The following PADI2 variants were observed in gnomAD, a reference collection of about 807,000 sequenced individuals.
PADI2 encodes the protein protein-arginine deiminase type-2.
Under a neutral mutation model 81.1 loss-of-function variants are expected in PADI2, and 70 were observed. The observed-to-expected ratio is 0.86, with a 90% CI of 0.71 to 1.05. The LOEUF is 1.05. Among genes scored for constraint, PADI2 ranks in the 50% least tolerant of loss-of-function variants. The probability of loss-of-function intolerance (pLI) is 0.00; values close to 1 mark genes in which losing one functional copy is unlikely to be tolerated. For synonymous variants in PADI2, 338 were observed against 358.0 expected, an observed-to-expected ratio of 0.94 and a Z score of 0.63; for missense variants, 853 against 889.9, an observed-to-expected ratio of 0.96 and a Z score of 0.53.
intron 15 of PADI2, 62 bp downstream of exon 15, chr1:17,070,026 C>G: frequency 6.4e-7 from 1 of 1,556,276 alleles, no homozygotes; most frequent in Non-Finnish European, 8.7e-7. Flanking sequence ...GCTGAGGGGT[C>G]CTTCTGGATC....
chr1:17,070,116 T>C lies in PADI2; in HGVS notation c.1736A>G (p.His579Arg), dbSNP rs760404733. 8 of 1,613,938 alleles carry C rather than the reference T, an allele frequency of 5.0e-6. No individual in the cohort carries two copies. Among genetic ancestry groups the C allele is most frequent in the African/African-American group, 1.3e-5 (1 of 74,914 alleles). Residue 579 changes from histidine (H) to arginine (R), a missense_variant, in exon 15 of 16, where the codon CAC becomes CGC. His to Arg is a conservative substitution (Grantham distance 29). Coordinates refer to ENST00000375486, the MANE Select transcript of PADI2 (RefSeq NM_007365.3). Reference sequence around the variant, plus strand: ...GTTTGGGAAGAAGGCTCTGGCACGGTGGTCCTCGTCCATCTTGAACAGAGC... The same window carrying C: ...GTTTGGGAAGAAGGCTCTGGCACGGCGGTCCTCGTCCATCTTGAACAGAGC... ...LPALFKMDED[H>R]RARAFFPNMV...
At chr1:17,084,183 G>A (rs912117471) in intron 8 of PADI2, among the ~76,000 whole-genome samples, 3 of 152,202 alleles carry the variant, frequency 2.0e-5, no homozygotes, top group Admixed American at 6.5e-5. Flanking sequence ...TCCCTTTTGG[G>A]TTGCTAGCCA....
chr1:17,109,071 G>T (rs1475102460), intron 1 of PADI2, among the ~76,000 whole-genome samples: 1 of 152,088 alleles, frequency 6.6e-6, no homozygotes, highest in Non-Finnish European at 1.5e-5. Context: ...TGGGCAAAGG[G>T]GTGAGGAGGA....
chr1:17,095,905 G>T lies in PADI2; in HGVS notation c.411+4C>A, dbSNP rs749794549. 1 of 1,606,746 alleles carries T rather than the reference G, an allele frequency of 6.2e-7. No individual in the cohort carries two copies. The highest frequency in any genetic ancestry group is 1.1e-5 in the South Asian group (1 of 88,904). On this transcript the variant is annotated splice_donor_region_variant and intron_variant, in intron 4 of 15. Transcript: ENST00000375486. ...GGGTGGTGCCTGCCCTGAAAGCTAG[G>T]TACCTTCTTTGGGTTGTTCTTCTCC...
chr1:17,098,047 C>G (rs1045504627), intron 3 of PADI2, among the ~76,000 whole-genome samples: 1 of 152,156 alleles, frequency 6.6e-6, no homozygotes, highest in Non-Finnish European at 1.5e-5. Flanking sequence ...CCCCCACCCC[C>G]TAACGATACA....
At chr1:17,117,704 C>A (rs1468428882) in intron 1 of PADI2, among the ~76,000 whole-genome samples, 1 of 152,230 alleles carries the variant, frequency 6.6e-6, no homozygotes, top group Non-Finnish European at 1.5e-5. Context: ...CTCCCCACCC[C>A]CGACTGGGAG....
intron 13 of PADI2, among the ~76,000 whole-genome samples, chr1:17,074,162 C>A (rs564739068): frequency 6.6e-6 from 1 of 151,964 alleles, no homozygotes. Flanking sequence ...GAGGCTGAGG[C>A]GGGTGGATCA....
chr1:17,075,738 A>G lies in PADI2; in HGVS notation c.1396T>C (p.Trp466Arg). The G allele has an allele frequency of 6.2e-7, 1 of 1,614,154 alleles. No individual in the cohort carries two copies. The highest frequency in any genetic ancestry group is 1.1e-5 in the South Asian group (1 of 91,082). ...VQAPVELYSD[W>R]LTVGHVDEFM... is the part of the protein sequence containing the mutation. Reference sequence around the variant, plus strand: ...TCATCCACGTGGCCCACAGTCAGCCAGTCTGAGTAGAGCTCCACGGGCGCC... The same window carrying G: ...TCATCCACGTGGCCCACAGTCAGCCGGTCTGAGTAGAGCTCCACGGGCGCC... Residue 466 changes from tryptophan to arginine, a missense_variant, in exon 12 of 16, where the codon TGG becomes CGG. Physicochemically the swap from Trp to Arg is moderately radical, Grantham distance 101. Coordinates refer to ENST00000375486, the MANE Select transcript of PADI2 (RefSeq NM_007365.3).
In PADI2 at chr1:17,071,449, A is replaced by G; in HGVS notation, c.1592T>C (p.Ile531Thr). Residue 531 changes from isoleucine (I) to threonine (T), a missense_variant, in exon 14 of 16, where the codon ATT becomes ACT. By Grantham distance (89) the Ile-to-Thr change is moderately conservative. Transcript: ENST00000375486. The stretch of plus-strand genomic sequence containing the variant: ...CTGCACAAGGCTCTCGTTGGACAGA[A>G]TCTTGTTGATGGTGATTCGCTTGCT... ...MSSKRITINK[I>T]LSNESLVQEN... 2 of 1,614,110 alleles carry G rather than the reference A, an allele frequency of 1.2e-6. No homozygotes were observed. Among genetic ancestry groups the G allele is most frequent in the Non-Finnish European group, 1.7e-6 (2 of 1,179,966 alleles).
At chr1:17,100,276 T>C (rs1322155153) in intron 3 of PADI2, among the ~76,000 whole-genome samples, 1 of 151,906 alleles carries the variant, frequency 6.6e-6, no homozygotes, top group African/African-American at 2.4e-5. Context: ...TCTTATTCTG[T>C]TTTTTGTTTT....
At chr1:17,072,924 C>G (rs1055682671) in intron 13 of PADI2, among the ~76,000 whole-genome samples, 1 of 152,122 alleles carries the variant, frequency 6.6e-6, no homozygotes, top group African/African-American at 2.4e-5. Flanking sequence ...AATCCAAGAA[C>G]AAACTTCCCA....
rs565823026 is a variant in PADI2, at chr1:17,104,095, A to G, written c.276+783T>C. Among the ~76,000 whole-genome samples, 372 of 151,278 alleles carry G rather than the reference A, an allele frequency of 2.5e-3. 4 individuals carry two copies. The highest frequency in any genetic ancestry group is 4.8e-3 in the Non-Finnish European group (326 of 67,922). On this transcript the variant is annotated intron_variant, in intron 2 of 15. Coordinates refer to ENST00000375486, the MANE Select transcript of PADI2 (RefSeq NM_007365.3). Reference sequence around the variant, plus strand: ...CAGGAGATCGACAGCATCCTGGCTAACACGGTGAAACCCCATCTCTACTAA... The same window carrying G: ...CAGGAGATCGACAGCATCCTGGCTAGCACGGTGAAACCCCATCTCTACTAA...
intron 1 of PADI2, among the ~76,000 whole-genome samples, chr1:17,105,378 A>AGAC (rs1319896400): frequency 1.3e-5 from 2 of 151,886 alleles, no homozygotes; most frequent in Non-Finnish European, 2.9e-5. Context: ...CAACAGAGCA[A>AGAC]GACCCTGTCT....
chr1:17,079,272 G>A lies in PADI2; in HGVS notation c.1302C>T (p.Ser434=). Residue 434 remains serine, a synonymous_variant, in exon 11 of 16, where the codon AGC becomes AGT. Coordinates refer to ENST00000375486, the MANE Select transcript of PADI2 (RefSeq NM_007365.3). ...AGCCTGGCTTCTCTTACAGAGGAAA[G>A]CTGCTCCCGATGAGGATGCGGCCAA... ...YPLGRILIGS[S]FPLSGGRRMT... The A allele has an allele frequency of 6.2e-7, 1 of 1,613,590 alleles. No individual in the cohort carries two copies. The highest frequency in any genetic ancestry group is 8.5e-7 in the Non-Finnish European group (1 of 1,179,702).
In PADI2 at chr1:17,074,160, G is replaced by T. The variant is rs544832859; in HGVS notation, c.1549+696C>A. 3.9e-5 allele frequency among the ~76,000 whole-genome samples: 6 copies of T among 152,252 alleles called. No homozygotes were observed. The East Asian group carries it at 7.7e-4, about 20-fold the overall frequency. ...TAATCCCAGCACTTTGGGAGGCTGA[G>T]GCGGGTGGATCACCTGAGGACAGGA... On this transcript the variant is annotated intron_variant, in intron 13 of 15. Coordinates refer to ENST00000375486, the MANE Select transcript of PADI2 (RefSeq NM_007365.3).
intron 3 of PADI2, among the ~76,000 whole-genome samples, chr1:17,096,226 C>T (rs186139045): frequency 1.5e-4 from 23 of 152,314 alleles, no homozygotes; most frequent in Middle Eastern, 3.4e-3. Context: ...GGACCTCCTA[C>T]CACTTCATTG....
intron 6 of PADI2, among the ~76,000 whole-genome samples, chr1:17,091,496 G>C (rs116679151): frequency 2.0e-5 from 3 of 152,142 alleles, no homozygotes; most frequent in Non-Finnish European, 4.4e-5. Context: ...GCCCCTGGCC[G>C]AGCTGACTGA....
At chr1:17,103,085 GT>G in intron 2 of PADI2, 26 bp from the exon 3 acceptor site, 2 of 1,556,186 alleles carry the variant, frequency 1.3e-6, no homozygotes, top group Non-Finnish European at 1.8e-6. Flanking sequence ...GCACATTGGA[GT>G]AGAGAGAAAA....
intron 6 of PADI2, among the ~76,000 whole-genome samples, chr1:17,088,925 A>AAAAAAAAAAAAAAAAAAAC (rs1557764604): frequency 1.2e-5 from 1 of 83,360 alleles, no homozygotes; most frequent in African/African-American, 5.4e-5. Context: ...AAAAAAAAAA[A>AAAAAAAAAAAAAAAAAAAC]AAAAAACCAA....
Sources: gnomAD v4.1 joint callset for allele counts (sites outside exome capture counted in the v4.1 genomes callset) on GRCh38, gnomAD v4.1.1 for gene constraint, MANE v1.5 for transcripts, NCBI Gene and HGNC (gene_info 2026-07-23, HGNC 2026-07-21) for gene names.